Variants in PTPRQ observed in about 807,000 individuals in gnomAD.
PTPRQ encodes the protein protein tyrosine phosphatase receptor type Q, also known as phosphatidylinositol phosphatase PTPRQ.
Under a neutral mutation model 246.0 loss-of-function variants are expected in PTPRQ, and 199 were observed. The ratio of observed to expected loss-of-function variants is 0.81; its 90% CI spans 0.72 to 0.91. PTPRQ has a LOEUF of 0.91. Ranked by LOEUF, PTPRQ falls within the 40% of genes least tolerant of loss-of-function variation. The pLI is 0.00. For missense variants in PTPRQ, 2,624 were observed against 2,528.4 expected, an observed-to-expected ratio of 1.04 and a Z score of -0.81; for synonymous variants, 869 against 853.2, an observed-to-expected ratio of 1.02 and a Z score of -0.32.
intron 42 of PTPRQ, among the ~76,000 whole-genome samples, chr12:80,672,213 A>AG (rs1401475797): frequency 1.3e-5 from 2 of 151,768 alleles, no homozygotes; most frequent in Non-Finnish European, 2.9e-5. Flanking sequence ...AAACTCTGTA[A>AG]GTGCAGGGAC....
intron 8 of PTPRQ, among the ~76,000 whole-genome samples, chr12:80,482,407 A>G (rs1894100660): frequency 1.3e-5 from 2 of 152,158 alleles, no homozygotes; most frequent in African/African-American, 2.4e-5. Flanking sequence ...TGTCAGACCT[A>G]AAACCATAAA....
At chr12:80,450,256 A>G (rs1489941579) in intron 3 of PTPRQ, among the ~76,000 whole-genome samples, 3 of 152,172 alleles carry the variant, frequency 2.0e-5, no homozygotes, top group African/African-American at 7.2e-5. Flanking sequence ...GAAGTTGCCT[A>G]TCAGCTTAAG....
At chr12:80,637,281 T>G (rs1164009906) in intron 35 of PTPRQ, among the ~76,000 whole-genome samples, 1 of 152,120 alleles carries the variant, frequency 6.6e-6, no homozygotes. Flanking sequence ...ATGTACAGAT[T>G]GTTTACTATT....
intron 14 of PTPRQ, among the ~76,000 whole-genome samples, chr12:80,505,067 C>G (rs753675050): frequency 4.6e-5 from 7 of 151,784 alleles, no homozygotes; most frequent in Non-Finnish European, 1.0e-4. Flanking sequence ...TTGGGGGTTT[C>G]AGGTCTTTCT....
intron 34 of PTPRQ, 90 bp from the exon 35 acceptor site, chr12:80,634,855 C>T (rs1011715188): frequency 6.7e-7 from 1 of 1,488,370 alleles, no homozygotes; most frequent in Non-Finnish European, 9.0e-7. Context: ...AATTATTTGA[C>T]TAAATGTCTT....
intron 20 of PTPRQ, 87 bp from the exon 21 acceptor site, chr12:80,541,451 GATGATGTAATAGTTGCC>G: frequency 1.2e-6 from 1 of 823,890 alleles, no homozygotes; most frequent in Non-Finnish European, 1.7e-6. Flanking sequence ...TTTAAGAGCT[GATGATGTAATAGTTGCC>G]ATTTCAACAA....
At chr12:80,550,726 CTTTG>C (rs1896449139) in intron 25 of PTPRQ, among the ~76,000 whole-genome samples, 1 of 152,032 alleles carries the variant, frequency 6.6e-6, no homozygotes, top group Non-Finnish European at 1.5e-5. Context: ...AATGATTCTA[CTTTG>C]TTTGTCTATA....
chr12:80,523,404 T>C (rs1895574235), intron 17 of PTPRQ, among the ~76,000 whole-genome samples: 1 of 152,206 alleles, frequency 6.6e-6, no homozygotes, highest in African/African-American at 2.4e-5. Flanking sequence ...TGCTTTCTGC[T>C]AGCTTTTGAA....
intron 24 of PTPRQ, among the ~76,000 whole-genome samples, chr12:80,547,967 G>T (rs950054865): frequency 6.6e-6 from 1 of 152,010 alleles, no homozygotes; most frequent in Non-Finnish European, 1.5e-5. Context: ...CTAGAACATT[G>T]GCCTTCTGAC....
chr12:80,589,930 A>G (rs553431037), intron 26 of PTPRQ, among the ~76,000 whole-genome samples: 2 of 152,276 alleles, frequency 1.3e-5, no homozygotes, highest in East Asian at 3.9e-4. Flanking sequence ...TTATCAGCAC[A>G]CAACCCCAAG....
At chr12:80,476,884 T>G (rs1486942454) in intron 8 of PTPRQ, among the ~76,000 whole-genome samples, 1 of 152,226 alleles carries the variant, frequency 6.6e-6, no homozygotes, top group African/African-American at 2.4e-5. Flanking sequence ...TTGTTCCTTA[T>G]AGTAACCTGT....
intron 23 of PTPRQ, among the ~76,000 whole-genome samples, chr12:80,545,956 A>C (rs547741322): frequency 1.3e-5 from 2 of 151,990 alleles, no homozygotes; most frequent in Non-Finnish European, 2.9e-5. Flanking sequence ...GTAATTATGC[A>C]AATTAAAAAA....
intron 37 of PTPRQ, among the ~76,000 whole-genome samples, chr12:80,650,462 A>G (rs1202749225): frequency 6.6e-6 from 1 of 152,052 alleles, no homozygotes; most frequent in Non-Finnish European, 1.5e-5. Flanking sequence ...ACAGATTTCT[A>G]CATGTCACCA....
At chr12:80,504,174 C>T (rs1360757688) in intron 14 of PTPRQ, among the ~76,000 whole-genome samples, 2 of 151,698 alleles carry the variant, frequency 1.3e-5, no homozygotes, top group Non-Finnish European at 3.0e-5. Context: ...TATGTCTCAA[C>T]TGCCATTTTA....
At chr12:80,502,662 T>A (rs1411204296) in intron 14 of PTPRQ, among the ~76,000 whole-genome samples, 1 of 151,618 alleles carries the variant, frequency 6.6e-6, no homozygotes, top group African/African-American at 2.4e-5. Context: ...ATAAGAGAGG[T>A]GATGCACAGT....
Position 80,445,724 on chromosome 12 carries a change from ATTTTGTGT to A in PTPRQ, c.390+8_390+15del. ...AACAACATATGAAATTAAGGTAATTATTTTGTGTATGACTACTTAGTGTTCAAACATTT... is the reference window on the plus strand; with the variant it reads ...AACAACATATGAAATTAAGGTAATTAATGACTACTTAGTGTTCAAACATTT... On this transcript the variant is annotated splice_region_variant and intron_variant, in intron 3 of 44. Transcript: ENST00000644991. The A allele has an allele frequency of 1.4e-6, 2 of 1,480,162 alleles. No individual in the cohort carries two copies. Among genetic ancestry groups the A allele is most frequent in the Non-Finnish European group, 1.8e-6 (2 of 1,082,614 alleles). The allele number at this position is 1,480,162 out of a possible 1,614,324, so 91.7% of individuals were successfully genotyped here. A position where few individuals can be genotyped will look rare whatever the true frequency, so the allele number is the denominator to read the frequency against.
At chr12:80,648,661 T>C (rs1368550951) in intron 35 of PTPRQ, among the ~76,000 whole-genome samples, 2 of 152,120 alleles carry the variant, frequency 1.3e-5, no homozygotes, top group African/African-American at 4.8e-5. Flanking sequence ...ACATTTATAA[T>C]AACAACAACA....
intron 25 of PTPRQ, among the ~76,000 whole-genome samples, chr12:80,567,465 G>A (rs978485725): frequency 3.4e-4 from 52 of 152,216 alleles, no homozygotes; most frequent in African/African-American, 1.2e-3. Flanking sequence ...CCACCATATA[G>A]AGCATTTCCA....
intron 17 of PTPRQ, among the ~76,000 whole-genome samples, chr12:80,517,206 T>C (rs776924893): frequency 2.0e-4 from 30 of 151,456 alleles, no homozygotes; most frequent in Non-Finnish European, 4.0e-4. Flanking sequence ...TTGTAAAACT[T>C]CAATTTCCTT....
Sources: allele counts gnomAD v4.1 joint callset (sites outside exome capture counted in the v4.1 genomes callset), GRCh38; gene constraint gnomAD v4.1.1; transcripts MANE v1.5; gene names NCBI Gene and HGNC (gene_info 2026-07-23, HGNC 2026-07-21).